UNC45B: variants seen among roughly 807,000 people sequenced by gnomAD.
The protein encoded by UNC45B is protein unc-45 homolog B.
In UNC45B, 78 loss-of-function variants were observed where a neutral mutation model predicts 98.7. The observed-to-expected ratio is 0.79, with a 90% CI of 0.66 to 0.95. The LOEUF is 0.95. UNC45B is among the 40% of genes least tolerant of loss of function. The pLI is 0.00. For synonymous variants in UNC45B, 462 were observed against 480.4 expected, an observed-to-expected ratio of 0.96 and a Z score of 0.50; for missense variants, 1,225 against 1,184.9, an observed-to-expected ratio of 1.03 and a Z score of -0.50.
Position 35,154,771 on chromosome 17 carries a change from C to A in UNC45B, c.639+30C>A, listed in dbSNP as rs1466494968. 3 of 1,538,090 alleles carry A rather than the reference C, an allele frequency of 2.0e-6. No homozygotes were observed. In the Admixed American group the frequency reaches 6.5e-5, roughly 33 times the overall value. On this transcript the variant is annotated intron_variant, in intron 6 of 19. Coordinates refer to ENST00000394570, the MANE Select transcript of UNC45B (RefSeq NM_001267052.2). The stretch of plus-strand genomic sequence containing the variant: ...GTGCCCGGCTGTGGGGCATGTGGAG[C>A]AGACGACTGCTGGTCCAAGGATCCG...
chr17:35,161,276 AT>A (rs1319216736), intron 8 of UNC45B, among the ~76,000 whole-genome samples: 1 of 152,182 alleles, frequency 6.6e-6, no homozygotes, highest in Non-Finnish European at 1.5e-5. Context: ...AAATTCAGAT[AT>A]TCGAATACAA....
In UNC45B at chr17:35,154,738, C is replaced by A. The variant is rs2092046404; in HGVS notation, c.636C>A (p.Ala212=). The A allele has an allele frequency of 6.3e-7, 1 of 1,581,934 alleles. No homozygotes were observed. Residue 212 remains alanine (A), a synonymous_variant, in exon 6 of 20, where the codon GCC becomes GCA. Transcript: ENST00000394570. ...CGGGCATGTGCAGCGGCCACCAAGC[C>A]AGAGTAAGTGCCCGGCTGTGGGGCA... ...TLSGMCSGHQ[A]RATVILHAVR... is the part of the protein sequence containing the mutation.
chr17:35,148,354 C>G lies in UNC45B; in HGVS notation c.91C>G (p.Gln31Glu), dbSNP rs756222351. The G allele has an allele frequency of 3.1e-6, 5 of 1,614,160 alleles. No homozygotes were observed. In the South Asian group the frequency reaches 5.5e-5, roughly 18 times the overall value. The change falls in exon 2 of 20, where the codon CAG (glutamine) becomes GAG (glutamate). Residue 31 changes from glutamine to glutamate, a missense_variant. Transcript: ENST00000394570. ...CAAGGCCGCCACAAATAGCTACAGC[C>G]AGGCCCTGAAGCTGACCAAGGACAA... ...DYKAATNSYSQALKLTKDKAL... is the reference protein window; with the variant it reads ...DYKAATNSYSEALKLTKDKAL...
rs2092316868 is a variant in UNC45B at position 35,188,599 on chromosome 17, C to T, written c.*2040C>T. 1 of 151,770 alleles carries T rather than the reference C, an allele frequency of 6.6e-6. No homozygotes were observed. Among genetic ancestry groups the T allele is most frequent in the African/African-American group, 2.4e-5 (1 of 41,308 alleles). The allele number at this position is 151,770 out of a possible 1,614,324, so 9.4% of individuals were successfully genotyped here. On this transcript the variant is annotated 3_prime_UTR_variant, in exon 20 of 20. Transcript: ENST00000394570. The stretch of plus-strand genomic sequence containing the variant: ...AGTGATCTTTCTACTTCAGCCTCCT[C>T]AATAGCTGGGACTACAGGCACACAC...
chr17:35,154,193 A>G (rs552985747), intron 5 of UNC45B, among the ~76,000 whole-genome samples: 14 of 152,266 alleles, frequency 9.2e-5, no homozygotes, highest in Middle Eastern at 3.4e-3. Context: ...CCATGTAAAA[A>G]CACTTCATTT....
Position 35,183,433 on chromosome 17 carries a change from G to A in UNC45B, c.2380G>A (p.Glu794Lys), listed in dbSNP as rs1291145977. ...CNMVLHKEVQ[E>K]RFLADGNDRL... The stretch of plus-strand genomic sequence containing the variant: ...ATGTTCCTGCCTCCCACAGGTACAG[G>A]AAAGGTTCTTGGCTGACGGGAATGA... The change falls in exon 19 of 20, where the codon GAA becomes AAA. Residue 794 changes from glutamate to lysine, a missense_variant. By Grantham distance (56) the Glu-to-Lys change is moderately conservative (BLOSUM62 1). Transcript: ENST00000394570. 2 of 1,577,626 alleles carry A rather than the reference G, an allele frequency of 1.3e-6. No individual in the cohort carries two copies. The highest frequency in any genetic ancestry group is 1.4e-5 in the African/African-American group (1 of 73,738).
chr17:35,183,392 C>A, intron 18 of UNC45B, 35 bp from the exon 19 acceptor site: 5 of 1,488,758 alleles, frequency 3.4e-6, no homozygotes, highest in South Asian at 1.4e-5. Context: ...AGATTGGGGA[C>A]AGTTTTCTCT....
intron 16 of UNC45B, 63 bp from the exon 17 acceptor site, chr17:35,177,431 TA>T: frequency 8.2e-7 from 1 of 1,222,874 alleles, no homozygotes; most frequent in Non-Finnish European, 1.2e-6. Flanking sequence ...TGGTCACCTA[TA>T]AATGTGAGGC....
chr17:35,159,674 A>G (rs1196166570), intron 8 of UNC45B, 129 bp downstream of exon 8: 2 of 1,090,160 alleles, frequency 1.8e-6, no homozygotes, highest in Non-Finnish European at 2.6e-6. Flanking sequence ...GAGAAAAGGC[A>G]TTGGCCCATC....
chr17:35,188,970 G>T lies in UNC45B; in HGVS notation c.*2411G>T, dbSNP rs988771021. 4.0e-5 allele frequency: 6 copies of T among 151,818 alleles called. No individual in the cohort carries two copies. Among genetic ancestry groups the T allele is most frequent in the Admixed American group, 2.6e-4 (4 of 15,242 alleles). The allele number at this position is 151,818 out of a possible 1,614,324, so 9.4% of individuals were successfully genotyped here. A position where few individuals can be genotyped will look rare whatever the true frequency, so the allele number is the denominator to read the frequency against. On this transcript the variant is annotated 3_prime_UTR_variant, in exon 20 of 20. Transcript: ENST00000394570. ...TTTTTTTCATCTATGCTTTCAAATA[G>T]GCAGATGCTAGCCTGAGATCATCTC...
Position 35,152,972 on chromosome 17 carries a change from A to T in UNC45B, c.461A>T (p.Lys154Met), listed in dbSNP as rs753392686. 1.9e-6 allele frequency: 3 copies of T among 1,613,554 alleles called. No individual in the cohort carries two copies. The highest frequency in any genetic ancestry group is 1.7e-5 in the Admixed American group (1 of 59,974). The change falls in exon 5 of 20, where the codon AAG (lysine) becomes ATG (methionine). Residue 154 changes from lysine (K) to methionine (M), a missense_variant. Physicochemically the swap from Lys to Met is moderately conservative, Grantham distance 95 (BLOSUM62 -1). Transcript: ENST00000394570. Reference sequence around the variant, plus strand: ...TTGGATGAAAACAGTGAGGCTGATAAGCGGGAAAAGGTGAGTGCTGGCCAG... The same window carrying T: ...TTGGATGAAAACAGTGAGGCTGATATGCGGGAAAAGGTGAGTGCTGGCCAG... ...ILLDENSEAD[K>M]REKAANNLIV...
chr17:35,150,052 C>T lies in UNC45B; in HGVS notation c.210C>T (p.Ile70=), dbSNP rs373738527. The part of the protein sequence containing the change: ...VQAASDASRA[I]DINSSDIKAL... The stretch of plus-strand genomic sequence containing the variant: ...TCCCCCGTCTCCCCTCGATAGCCAT[C>T]GACATCAACTCCTCGGACATCAAGG... The change falls in exon 4 of 20, where the codon ATC becomes ATT. Residue 70 remains isoleucine, a synonymous_variant. Coordinates refer to ENST00000394570, the MANE Select transcript of UNC45B (RefSeq NM_001267052.2). 11 of 1,601,190 alleles carry T rather than the reference C, an allele frequency of 6.9e-6. No homozygotes were observed. Among genetic ancestry groups the T allele is most frequent in the South Asian group, 1.1e-5 (1 of 89,150 alleles).
chr17:35,159,565 TGGGGCTTGC>T lies in UNC45B; in HGVS notation c.979+21_979+29del, dbSNP rs780475424. 3.1e-6 allele frequency: 5 copies of T among 1,607,324 alleles called. No individual in the cohort carries two copies. In the South Asian group the frequency reaches 5.5e-5, roughly 18 times the overall value. Reference sequence around the variant, plus strand: ...ATAATGGTGAGAAGAGGGGAAGGTTTGGGGCTTGCTCAAGCCTTTTAAGTGGGCACCAGG... The same window carrying T: ...ATAATGGTGAGAAGAGGGGAAGGTTTTCAAGCCTTTTAAGTGGGCACCAGG... On this transcript the variant is annotated intron_variant, in intron 8 of 19. Transcript: ENST00000394570.
chr17:35,160,060 C>T (rs543026299), intron 8 of UNC45B, among the ~76,000 whole-genome samples: 47 of 152,200 alleles, frequency 3.1e-4, no homozygotes, highest in Non-Finnish European at 5.1e-4. Context: ...AGCCTTTCTC[C>T]AAAGATGATT....
Position 35,183,418 on chromosome 17 carries a change from C to T in UNC45B, c.2374-9C>T, listed in dbSNP as rs890716101. The T allele has an allele frequency of 6.5e-7, 1 of 1,539,540 alleles. No individual in the cohort carries two copies. Among genetic ancestry groups the T allele is most frequent in the Non-Finnish European group, 8.8e-7 (1 of 1,142,708 alleles). Reference sequence around the variant, plus strand: ...AGTTTTCTCTGAGCCATGTTCCTGCCTCCCACAGGTACAGGAAAGGTTCTT... The same window carrying T: ...AGTTTTCTCTGAGCCATGTTCCTGCTTCCCACAGGTACAGGAAAGGTTCTT... On this transcript the variant is annotated splice_polypyrimidine_tract_variant and intron_variant, in intron 18 of 19. Coordinates refer to ENST00000394570, the MANE Select transcript of UNC45B (RefSeq NM_001267052.2).
chr17:35,185,974 G>A lies in UNC45B; in HGVS notation c.2530-325G>A, dbSNP rs1871893. On this transcript the variant is annotated intron_variant, in intron 19 of 19. Transcript: ENST00000394570. ...AGACAGTGTCATCTGATTTGCTTTT[G>A]GTGAAGGTCTTGTGCTGTGTCATAG... Among the ~76,000 whole-genome samples the A allele has an allele frequency of 0.18, 27,000 of 152,010 alleles. 2,657 individuals carry two copies. Among genetic ancestry groups the A allele is most frequent in the South Asian group, 0.23 (1,126 of 4,824 alleles).
intron 7 of UNC45B, 45 bp downstream of exon 7, chr17:35,155,509 A>G (rs1181529960): frequency 5.0e-6 from 8 of 1,597,288 alleles, no homozygotes; most frequent in Non-Finnish European, 6.0e-6. Flanking sequence ...TGGGGAAAGA[A>G]AAGGTCAGTT....
At chr17:35,182,016 G>A (rs1438614955) in intron 18 of UNC45B, among the ~76,000 whole-genome samples, 1 of 151,950 alleles carries the variant, frequency 6.6e-6, no homozygotes, top group Non-Finnish European at 1.5e-5. Context: ...AAGTCAAAAT[G>A]TTCAGTGGTC....
chr17:35,173,961 G>A (rs888998548), intron 13 of UNC45B, among the ~76,000 whole-genome samples: 21 of 151,754 alleles, frequency 1.4e-4, no homozygotes, highest in Non-Finnish European at 7.4e-5. Context: ...ACAGGTGCCC[G>A]CCACCACGCC....
Sources: allele counts gnomAD v4.1 joint callset (sites outside exome capture counted in the v4.1 genomes callset), GRCh38; gene constraint gnomAD v4.1.1; transcripts MANE v1.5; gene names NCBI Gene and HGNC (gene_info 2026-07-23, HGNC 2026-07-21).